Variants in DNAJC13 observed in about 807,000 individuals in gnomAD.
The protein encoded by DNAJC13 is dnaJ homolog subfamily C member 13.
Under a neutral mutation model 290.5 loss-of-function variants are expected in DNAJC13, and 75 were observed. The ratio of observed to expected loss-of-function variants is 0.26; its 90% CI spans 0.21 to 0.31. DNAJC13 has a LOEUF of 0.31. DNAJC13 is among the 10% of genes least tolerant of loss of function. The pLI is 1.00. For missense variants in DNAJC13, 2,260 were observed against 2,674.5 expected, an observed-to-expected ratio of 0.85 and a Z score of 3.42; for synonymous variants, 862 against 892.0, an observed-to-expected ratio of 0.97 and a Z score of 0.60.
At chr3:132,488,239 C>A in intron 29 of DNAJC13, 59 bp from the exon 30 acceptor site, 2 of 1,474,600 alleles carry the variant, frequency 1.4e-6, no homozygotes, top group Non-Finnish European at 9.1e-7. Context: ...AAATAAAAAA[C>A]CTAAAGTGAT....
rs753121018 is a variant in DNAJC13, at chr3:132,466,300, C to T, written c.1970C>T (p.Pro657Leu). 14 of 1,579,962 alleles carry T rather than the reference C, an allele frequency of 8.9e-6. No homozygotes were observed. Among genetic ancestry groups the T allele is most frequent in the Admixed American group, 2.0e-5 (1 of 49,914 alleles). The change falls in exon 19 of 56, where the codon CCG becomes CTG. Residue 657 changes from proline (P) to leucine (L), a missense_variant and splice_region_variant. Transcript: ENST00000260818. ...TGAAAATGGATTTTGTGTTTTTAGCCGCCAGGCTTGCTGGCATACTTGGAA... is the reference window on the plus strand; with the variant it reads ...TGAAAATGGATTTTGTGTTTTTAGCTGCCAGGCTTGCTGGCATACTTGGAA... ...TATNLLKRIL[P>L]PGLLAYLESS...
chr3:132,515,113 T>C (rs1052708461), intron 46 of DNAJC13, among the ~76,000 whole-genome samples: 2 of 152,192 alleles, frequency 1.3e-5, no homozygotes, highest in Non-Finnish European at 2.9e-5. Flanking sequence ...TTAAAAAATA[T>C]ATCAACCTTA....
rs879378484 is a variant in DNAJC13, at chr3:132,421,598, A to ATT, written c.-14+3850_-14+3851dup. On this transcript the variant is annotated intron_variant, in intron 1 of 55. Transcript: ENST00000260818. ...AGGCGCTTGCCACCATGCTGGGCTG[A>ATT]TTTTTTTTTTTTTCTGTATTTTTAG... Among the ~76,000 whole-genome samples, 3 of 143,424 alleles carry ATT rather than the reference A, an allele frequency of 2.1e-5. No individual in the cohort carries two copies. In the South Asian group the frequency reaches 6.6e-4, roughly 32 times the overall value. The allele number at this position is 143,424 out of a possible 152,430, so 94.1% of individuals were successfully genotyped here. A position where few individuals can be genotyped will look rare whatever the true frequency, so the allele number is the denominator to read the frequency against.
intron 5 of DNAJC13, among the ~76,000 whole-genome samples, chr3:132,448,649 G>A (rs1160961382): frequency 6.6e-6 from 1 of 152,104 alleles, no homozygotes; most frequent in African/African-American, 2.4e-5. Context: ...CCTAGCTTCT[G>A]GCAAAAGGCA....
intron 53 of DNAJC13, among the ~76,000 whole-genome samples, chr3:132,526,742 C>T (rs1254386436): frequency 6.6e-6 from 1 of 152,168 alleles, no homozygotes; most frequent in Non-Finnish European, 1.5e-5. Flanking sequence ...TTCAAAGAGA[C>T]TATCCACCTA....
At chr3:132,510,221 C>T (rs904408196) in intron 43 of DNAJC13, among the ~76,000 whole-genome samples, 12 of 152,062 alleles carry the variant, frequency 7.9e-5, no homozygotes, top group African/African-American at 2.4e-4. Context: ...CACAAGGCTT[C>T]CTCTGGCCAA....
Position 132,509,757 on chromosome 3 carries a change from C to T in DNAJC13, c.5116-1310C>T, listed in dbSNP as rs551260476. Among the ~76,000 whole-genome samples, 109 of 152,324 alleles carry T rather than the reference C, an allele frequency of 7.2e-4. 1 individual carries two copies. Among genetic ancestry groups the T allele is most frequent in the Admixed American group, 6.6e-3 (101 of 15,310 alleles). On this transcript the variant is annotated intron_variant, in intron 43 of 55. Transcript: ENST00000260818. ...ACATTCCCACCAGCAAAAAGATTGACTTGCTGAAGGCTCAGATGATTGTTA... is the reference window on the plus strand; with the variant it reads ...ACATTCCCACCAGCAAAAAGATTGATTTGCTGAAGGCTCAGATGATTGTTA...
chr3:132,523,593 T>G lies in DNAJC13; in HGVS notation c.5940T>G (p.Val1980=). Reference sequence around the variant, plus strand: ...GAGAAGCAGAGGGTGAACTTGCTGTTGGAGGAGTCTTCTTGAGGATCTTTA... The same window carrying G: ...GAGAAGCAGAGGGTGAACTTGCTGTGGGAGGAGTCTTCTTGAGGATCTTTA... ...VFGEAEGELA[V]GGVFLRIFIA... Residue 1980 remains valine, a synonymous_variant, in exon 51 of 56, where the codon GTT becomes GTG. Coordinates refer to ENST00000260818, the MANE Select transcript of DNAJC13 (RefSeq NM_015268.4). 6.2e-7 allele frequency: 1 copy of G among 1,614,148 alleles called. No homozygotes were observed. The highest frequency in any genetic ancestry group is 2.2e-5 in the East Asian group (1 of 44,860).
chr3:132,528,259 G>T lies in DNAJC13; in HGVS notation c.6452G>T (p.Ser2151Ile). Residue 2151 changes from serine (S) to isoleucine (I), a missense_variant, in exon 54 of 56, where the codon AGC (serine) becomes ATC (isoleucine). Ser to Ile is a moderately radical substitution (Grantham distance 142). Around this residue, in one of 3 missense-constraint regions of DNAJC13, gnomAD observed 1,494 missense variants for 1,693.7 expected, o/e 0.88. Transcript: ENST00000260818. ...LEGIGLENLDSPAATKAQIVK... is the reference protein window; with the variant it reads ...LEGIGLENLDIPAATKAQIVK... ...GGCATTGGCCTTGAAAACCTGGACA[G>T]CCCAGCAGCCACTAAGGCTCAGATT... 3 of 1,614,168 alleles carry T rather than the reference G, an allele frequency of 1.9e-6. No homozygotes were observed. Among genetic ancestry groups the T allele is most frequent in the Non-Finnish European group, 2.5e-6 (3 of 1,180,020 alleles).
At chr3:132,490,522 C>T (rs1324359520) in intron 31 of DNAJC13, among the ~76,000 whole-genome samples, 2 of 152,178 alleles carry the variant, frequency 1.3e-5, no homozygotes, top group African/African-American at 4.8e-5. Context: ...CAGGTGGGAC[C>T]TACAGCCAAC....
chr3:132,473,121 C>T (rs748732684), intron 20 of DNAJC13, 24 bp from the exon 21 acceptor site: 5 of 1,550,644 alleles, frequency 3.2e-6, no homozygotes, highest in Non-Finnish European at 4.4e-6. Context: ...AGATTGAGCA[C>T]TATGAAGTTT....
chr3:132,499,358 A>G (rs753151089), intron 37 of DNAJC13, 48 bp downstream of exon 37: 19 of 1,444,220 alleles, frequency 1.3e-5, no homozygotes, highest in African/African-American at 7.1e-5. Flanking sequence ...TACACACATT[A>G]TATGACTCTT....
intron 20 of DNAJC13, among the ~76,000 whole-genome samples, chr3:132,471,237 C>CA (rs1414930065): frequency 7.8e-6 from 1 of 128,746 alleles, no homozygotes; most frequent in African/African-American, 3.0e-5. Context: ...GCTGGCCGGG[C>CA]GGGGGGCTGA....
rs767880797 is a variant in DNAJC13, at chr3:132,526,171, A to G, written c.6271A>G (p.Thr2091Ala). 6.2e-7 allele frequency: 1 copy of G among 1,614,052 alleles called. No homozygotes were observed. Among genetic ancestry groups the G allele is most frequent in the Admixed American group, 1.7e-5 (1 of 60,014 alleles). ...LCVRAMASLETIGPLMNGMKK... is the reference protein window; with the variant it reads ...LCVRAMASLEAIGPLMNGMKK... ...TGTTCGAGCCATGGCATCTTTAGAG[A>G]CCATTGGCCCACTGATGAATGGAAT... is the stretch of plus-strand genomic sequence containing the variant. The change falls in exon 53 of 56, where the codon ACC (threonine) becomes GCC (alanine). Residue 2091 changes from threonine (T) to alanine (A), a missense_variant. By Grantham distance (58) the Thr-to-Ala change is moderately conservative. Transcript: ENST00000260818.
intron 19 of DNAJC13, 41 bp from the exon 20 acceptor site, chr3:132,467,129 T>C: frequency 6.3e-7 from 1 of 1,579,500 alleles, no homozygotes; most frequent in Non-Finnish European, 8.6e-7. Flanking sequence ...TAAAATAAAT[T>C]TGCAAACAGG....
chr3:132,428,955 A>C (rs1403586420), intron 1 of DNAJC13, among the ~76,000 whole-genome samples: 4 of 152,032 alleles, frequency 2.6e-5, no homozygotes, highest in African/African-American at 9.7e-5. Flanking sequence ...GGCTGGTCTC[A>C]AACTCCTGAC....
At chr3:132,484,514 T>C (rs1934787064) in intron 28 of DNAJC13, 74 bp from the exon 29 acceptor site, 2 of 1,365,446 alleles carry the variant, frequency 1.5e-6, no homozygotes, top group Non-Finnish European at 2.1e-6. Context: ...TCATGCCTAG[T>C]AGAATGTCGT....
At chr3:132,485,758 A>C (rs1934849917) in intron 29 of DNAJC13, among the ~76,000 whole-genome samples, 1 of 152,242 alleles carries the variant, frequency 6.6e-6, no homozygotes, top group Non-Finnish European at 1.5e-5. Flanking sequence ...CCAATGATTC[A>C]AAGCATTGAG....
chr3:132,494,333 T>A, intron 34 of DNAJC13, 74 bp downstream of exon 34: 1 of 1,120,312 alleles, frequency 8.9e-7, no homozygotes, highest in Non-Finnish European at 1.3e-6. Context: ...AAGTTATATT[T>A]AAATCAATCA....
Sources: allele counts gnomAD v4.1 joint callset (sites outside exome capture counted in the v4.1 genomes callset), GRCh38; gene constraint gnomAD v4.1.1; regional missense constraint gnomAD v4.1.1; transcripts MANE v1.5; gene names NCBI Gene and HGNC (gene_info 2026-07-23, HGNC 2026-07-21).